Variants in LIFR observed in about 807,000 individuals in gnomAD.
The protein encoded by LIFR is leukemia inhibitory factor receptor.
Under a neutral mutation model 122.2 loss-of-function variants are expected in LIFR, and 84 were observed. The ratio of observed to expected loss-of-function variants is 0.69; its 90% CI spans 0.58 to 0.82. LIFR has a LOEUF of 0.82. Among genes scored for constraint, LIFR ranks in the 40% least tolerant of loss-of-function variants. LIFR has a pLI of 0.00. For synonymous variants in LIFR, 422 were observed against 434.7 expected (o/e 0.97, Z 0.36); for missense variants, 1,294 against 1,311.6 (o/e 0.99, Z 0.21).
intron 1 of LIFR, among the ~76,000 whole-genome samples, chr5:38,588,688 A>T (rs995454337): frequency 6.6e-6 from 1 of 152,218 alleles, no homozygotes. Flanking sequence ...AAAGGCCTTA[A>T]ATCCCTATGG....
At chr5:38,485,640 C>A in intron 17 of LIFR, 179 bp downstream of exon 17, 1 of 644,822 alleles carries the variant, frequency 1.6e-6, no homozygotes. Flanking sequence ...AAATAACTGA[C>A]AAGAATAAAC....
intron 1 of LIFR, among the ~76,000 whole-genome samples, chr5:38,537,940 A>G (rs892855718): frequency 6.6e-6 from 1 of 152,126 alleles, no homozygotes; most frequent in African/African-American, 2.4e-5. Context: ...CTCTTACTAG[A>G]TCAGATTTCT....
chr5:38,567,426 ATTTG>A, intron 1 of LIFR, among the ~76,000 whole-genome samples: 1 of 151,248 alleles, frequency 6.6e-6, no homozygotes, highest in South Asian at 2.1e-4. Context: ...CTTATCCATT[ATTTG>A]TTTATTAATT....
intron 1 of LIFR, among the ~76,000 whole-genome samples, chr5:38,565,747 C>T (rs906013492): frequency 6.6e-6 from 1 of 152,040 alleles, no homozygotes; most frequent in Non-Finnish European, 1.5e-5. Flanking sequence ...ACTGCCATGC[C>T]TGGCTAATTT....
At chr5:38,502,497 A>T in intron 11 of LIFR, 140 bp downstream of exon 11, 1 of 665,624 alleles carries the variant, frequency 1.5e-6, no homozygotes, top group Middle Eastern at 4.3e-4. Flanking sequence ...AACCTCAGGT[A>T]ATCTGCCCAC....
chr5:38,544,360 G>A lies in LIFR; in HGVS notation c.-20+11974C>T, dbSNP rs578203485. 4.1e-4 allele frequency among the ~76,000 whole-genome samples: 63 copies of A among 152,058 alleles called. 2 individuals carry two copies. The South Asian group carries it at 0.01, about 25-fold the overall frequency. Reference sequence around the variant, plus strand: ...CCCCTTCCACACTCTTCACATACACGTCTCTCCTTTGGTCACCGGCTTCCA... The same window carrying A: ...CCCCTTCCACACTCTTCACATACACATCTCTCCTTTGGTCACCGGCTTCCA... On this transcript the variant is annotated intron_variant, in intron 1 of 19. Transcript: ENST00000453190.
At chr5:38,496,009 A>G (rs1554019957) in intron 13 of LIFR, among the ~76,000 whole-genome samples, 1 of 152,120 alleles carries the variant, frequency 6.6e-6, no homozygotes, top group Non-Finnish European at 1.5e-5. Flanking sequence ...CAATTTGCAA[A>G]ACAGCCTAGC....
intron 7 of LIFR, among the ~76,000 whole-genome samples, chr5:38,509,161 G>A (rs1745658659): frequency 6.6e-6 from 1 of 152,112 alleles, no homozygotes; most frequent in African/African-American, 2.4e-5. Flanking sequence ...TGGAAACAGT[G>A]CACAGTCTCA....
intron 1 of LIFR, among the ~76,000 whole-genome samples, chr5:38,588,177 G>A (rs1749808498): frequency 6.6e-6 from 1 of 152,180 alleles, no homozygotes; most frequent in African/African-American, 2.4e-5. Context: ...ATACCCAGTT[G>A]CAGATGAGTA....
chr5:38,526,402 A>C lies in LIFR; in HGVS notation c.397+753T>G, dbSNP rs1369225289. ...GAATTTTTCATGCTTACACATGGTA[A>C]GTACAAACTTTACTGTGTGTGTGTG... is the stretch of plus-strand genomic sequence containing the variant. On this transcript the variant is annotated intron_variant, in intron 4 of 19. Coordinates refer to ENST00000453190, the MANE Select transcript of LIFR (RefSeq NM_001127671.2). Among the ~76,000 whole-genome samples, 3 of 149,196 alleles carry C rather than the reference A, an allele frequency of 2.0e-5. No individual in the cohort carries two copies. In the East Asian group the frequency reaches 6.0e-4, roughly 30 times the overall value.
At chr5:38,589,718 A>ATGTG (rs35505046) in intron 1 of LIFR, among the ~76,000 whole-genome samples, 16,204 of 146,134 alleles carry the variant, frequency 0.11, 892 homozygotes, top group Admixed American at 0.14. Context: ...AGAGAAGAAA[A>ATGTG]TGTGTGTGTG....
chr5:38,504,687 C>T (rs1222392321), intron 9 of LIFR, among the ~76,000 whole-genome samples: 1 of 152,072 alleles, frequency 6.6e-6, no homozygotes. Flanking sequence ...AGTGTGTATG[C>T]CCAGTTGAGT....
rs11297745 is a variant in LIFR, at chr5:38,571,529, C to CAAAA, written c.-20+23728_-20+23731dup. On this transcript the variant is annotated intron_variant, in intron 1 of 19. Transcript: ENST00000263409. ...AAGATTGTGCCACTGCATTCCAGCTCAAAAAAAAAAAAAAAAAAAAAAGCA... is the reference window on the plus strand; with the variant it reads ...AAGATTGTGCCACTGCATTCCAGCTCAAAAAAAAAAAAAAAAAAAAAAAAAAGCA... Among the ~76,000 whole-genome samples the CAAAA allele has an allele frequency of 1.9e-4, 14 of 74,684 alleles. 1 individual carries two copies. Among genetic ancestry groups the CAAAA allele is most frequent in the Non-Finnish European group, 2.2e-4 (9 of 41,284 alleles). 49.0% of individuals were successfully genotyped at this position (74,684 alleles called of 152,430 possible). A position where few individuals can be genotyped will look rare whatever the true frequency, so the allele number is the denominator to read the frequency against.
intron 4 of LIFR, among the ~76,000 whole-genome samples, chr5:38,525,263 A>G (rs1307317331): frequency 6.6e-6 from 1 of 152,150 alleles, no homozygotes; most frequent in Non-Finnish European, 1.5e-5. Context: ...AGAGACTTGG[A>G]CTTTCTTCCA....
At chr5:38,500,779 T>C (rs944843494) in intron 11 of LIFR, among the ~76,000 whole-genome samples, 35 of 152,294 alleles carry the variant, frequency 2.3e-4, no homozygotes, top group Non-Finnish European at 2.2e-4. Flanking sequence ...AAATGACCAA[T>C]AATCCCCATG....
At chr5:38,556,841 GC>G (rs1748602609), upstream of LIFR, 1 of 151,092 alleles carries the variant, frequency 6.6e-6, no homozygotes, top group South Asian at 2.1e-4. Context: ...GGCCCCGGAC[GC>G]CGAGGGTGGT....
chr5:38,488,234 G>A (rs938973421), intron 16 of LIFR, among the ~76,000 whole-genome samples: 2 of 152,186 alleles, frequency 1.3e-5, no homozygotes, highest in African/African-American at 4.8e-5. Flanking sequence ...TTCAGGAAAT[G>A]CAGAACTTGG....
chr5:38,601,625 C>G (rs969733362), intron 2 of LIFR, among the ~76,000 whole-genome samples: 3 of 152,180 alleles, frequency 2.0e-5, no homozygotes, highest in African/African-American at 7.2e-5. Context: ...CTTGCCAGAT[C>G]CTTCCACTGG....
chr5:38,545,276 A>G (rs1218124721), intron 1 of LIFR, among the ~76,000 whole-genome samples: 2 of 152,070 alleles, frequency 1.3e-5, no homozygotes, highest in East Asian at 1.9e-4. Context: ...TCTCAAAAAA[A>G]AAAAAAATTA....
Sources: allele counts gnomAD v4.1 joint callset (sites outside exome capture counted in the v4.1 genomes callset), GRCh38; gene constraint gnomAD v4.1.1; transcripts MANE v1.5; gene names NCBI Gene and HGNC (gene_info 2026-07-23, HGNC 2026-07-21).